Variants in CAMK1D observed in about 807,000 individuals in gnomAD.
CAMK1D encodes calcium/calmodulin-dependent protein kinase type 1D.
A neutral mutation model predicts 47.7 loss-of-function variants in CAMK1D; 9 were observed. That is an observed-to-expected ratio of 0.19 (90% confidence interval 0.11 to 0.33). The LOEUF is 0.33. CAMK1D is among the 10% of genes least tolerant of loss of function. The pLI is 1.00. For missense variants in CAMK1D, 291 were observed against 488.7 expected, an observed-to-expected ratio of 0.60 and a Z score of 3.81; for synonymous variants, 184 against 184.9, an observed-to-expected ratio of 0.99 and a Z score of 0.04.
At chr10:12,441,061 TG>T (rs1387050858) in intron 1 of CAMK1D, among the ~76,000 whole-genome samples, 1 of 152,384 alleles carries the variant, frequency 6.6e-6, no homozygotes, top group Non-Finnish European at 1.5e-5. Flanking sequence ...AGTTTCTCCT[TG>T]TTTATTACCA....
intron 3 of CAMK1D, among the ~76,000 whole-genome samples, chr10:12,684,170 G>C (rs952245401): frequency 1.2e-4 from 19 of 152,240 alleles, no homozygotes; most frequent in African/African-American, 4.1e-4. Context: ...CTGTGTGCAG[G>C]GACCCGGTTG....
chr10:12,503,190 G>C (rs565488939), intron 1 of CAMK1D, among the ~76,000 whole-genome samples: 3 of 152,332 alleles, frequency 2.0e-5, no homozygotes, highest in South Asian at 2.1e-4. Flanking sequence ...ATATGTACGT[G>C]TGGGTGCATA....
chr10:12,504,466 CTGCCT>C (rs1834810010), intron 1 of CAMK1D, among the ~76,000 whole-genome samples: 2 of 152,202 alleles, frequency 1.3e-5, no homozygotes, highest in South Asian at 4.1e-4. Context: ...CACCCTTCCT[CTGCCT>C]TTTCATTCCA....
intron 1 of CAMK1D, among the ~76,000 whole-genome samples, chr10:12,414,354 C>T: frequency 6.6e-6 from 1 of 152,170 alleles, no homozygotes; most frequent in East Asian, 1.9e-4. Context: ...CATTTGTGTA[C>T]AGTAGCTATA....
chr10:12,523,403 G>T (rs1160205857), intron 1 of CAMK1D, among the ~76,000 whole-genome samples: 1 of 152,208 alleles, frequency 6.6e-6, no homozygotes, highest in African/African-American at 2.4e-5. Context: ...CGGCTGGGAG[G>T]TGGAGGTTGT....
At chr10:12,787,498 G>A (rs1447992756) in intron 5 of CAMK1D, among the ~76,000 whole-genome samples, 4 of 152,142 alleles carry the variant, frequency 2.6e-5, no homozygotes, top group African/African-American at 7.2e-5. Context: ...GAGTATCCGC[G>A]CTTCCTAGGC....
intron 2 of CAMK1D, among the ~76,000 whole-genome samples, chr10:12,650,976 G>T (rs1407281693): frequency 6.6e-6 from 1 of 152,080 alleles, no homozygotes; most frequent in Non-Finnish European, 1.5e-5. Flanking sequence ...TTCCCCTAAG[G>T]CTCCCTGGAT....
chr10:12,633,757 A>G (rs375741276), intron 2 of CAMK1D, among the ~76,000 whole-genome samples: 22 of 151,082 alleles, frequency 1.5e-4, no homozygotes, highest in African/African-American at 4.6e-4. Context: ...GGGTCTCTCT[A>G]TGTTGCCCAG....
intron 1 of CAMK1D, among the ~76,000 whole-genome samples, chr10:12,507,425 TG>T (rs1041163257): frequency 6.6e-6 from 1 of 152,170 alleles, no homozygotes; most frequent in African/African-American, 2.4e-5. Context: ...GTTAATCAGA[TG>T]GGGGAGTACG....
intron 1 of CAMK1D, among the ~76,000 whole-genome samples, chr10:12,522,808 CGGCTGGCCGGGCGG>C (rs1835468565): frequency 2.0e-5 from 2 of 102,408 alleles, no homozygotes; most frequent in Non-Finnish European, 2.1e-5. Flanking sequence ...CCAGACGGGG[CGGCTGGCCGGGCGG>C]AGGCGCCCCC....
chr10:12,378,158 C>T (rs1838236607), intron 1 of CAMK1D, among the ~76,000 whole-genome samples: 1 of 152,240 alleles, frequency 6.6e-6, no homozygotes, highest in Non-Finnish European at 1.5e-5. Context: ...TTCACCCTGC[C>T]TGGCTGCCCA....
chr10:12,359,408 A>T (rs970124744), intron 1 of CAMK1D, among the ~76,000 whole-genome samples: 5 of 147,134 alleles, frequency 3.4e-5, no homozygotes, highest in Non-Finnish European at 6.1e-5. Flanking sequence ...AGTTCATGTA[A>T]TGCTAGCATT....
rs563311466 is a variant in CAMK1D, at chr10:12,547,438, G to A, written c.93-5787G>A. Among the ~76,000 whole-genome samples, 6 of 152,308 alleles carry A rather than the reference G, an allele frequency of 3.9e-5. No individual in the cohort carries two copies. The East Asian group carries it at 7.7e-4, about 20-fold the overall frequency. ...TTCAGTCTGGCTGGAGTGCTCCATC[G>A]TTCAGCTTTAAATGCACAGTGCTTG... On this transcript the variant is annotated intron_variant, in intron 1 of 10. Coordinates refer to ENST00000619168, the MANE Select transcript of CAMK1D (RefSeq NM_153498.4).
At chr10:12,401,291 T>G (rs1305542976) in intron 1 of CAMK1D, among the ~76,000 whole-genome samples, 1 of 61,668 alleles carries the variant, frequency 1.6e-5, no homozygotes, top group African/African-American at 6.5e-5. Flanking sequence ...TTTATATATA[T>G]ATAATATATG....
intron 1 of CAMK1D, among the ~76,000 whole-genome samples, chr10:12,523,818 A>C (rs904868809): frequency 1.6e-4 from 24 of 152,178 alleles, no homozygotes; most frequent in African/African-American, 5.3e-4. Context: ...TATCCAATTT[A>C]AACTTTATCT....
chr10:12,769,519 T>G (rs1190717073), intron 4 of CAMK1D, among the ~76,000 whole-genome samples, 154 bp from the exon 5 acceptor site: 2 of 152,240 alleles, frequency 1.3e-5, no homozygotes, highest in Non-Finnish European at 2.9e-5. Context: ...TCTGCACTGT[T>G]TCTATTGGCC....
chr10:12,825,721 G>A (rs1433088142), intron 10 of CAMK1D, 31 bp downstream of exon 10: 9 of 1,613,704 alleles, frequency 5.6e-6, no homozygotes, highest in Admixed American at 1.7e-5. Flanking sequence ...GAATCCCTCA[G>A]CTGACACTGA....
At chr10:12,482,560 A>T (rs1834095515) in intron 1 of CAMK1D, among the ~76,000 whole-genome samples, 1 of 152,204 alleles carries the variant, frequency 6.6e-6, no homozygotes, top group African/African-American at 2.4e-5. Flanking sequence ...GAGGAATAGC[A>T]GAGAAAATGA....
intron 3 of CAMK1D, among the ~76,000 whole-genome samples, chr10:12,722,371 A>G (rs58429204): frequency 0.081 from 11,118 of 137,742 alleles, 1,296 homozygotes; most frequent in African/African-American, 0.26. Context: ...GTGTGAACCC[A>G]GGAGGCAGAG....
Sources: allele counts gnomAD v4.1 joint callset (sites outside exome capture counted in the v4.1 genomes callset), GRCh38; gene constraint gnomAD v4.1.1; transcripts MANE v1.5; gene names NCBI Gene and HGNC (gene_info 2026-07-23, HGNC 2026-07-21).